TDRKH: variants seen among roughly 807,000 people sequenced by gnomAD.
TDRKH encodes the protein tudor and KH domain-containing protein.
In TDRKH, 28 loss-of-function variants were observed where a neutral mutation model predicts 61.3. That is an observed-to-expected ratio of 0.46 (90% CI 0.34 to 0.63). TDRKH has a LOEUF of 0.63. TDRKH is among the 20% of genes least tolerant of loss of function. TDRKH has a pLI of 0.01. For synonymous variants in TDRKH, 219 were observed against 244.4 expected (o/e 0.90, Z 0.97); for missense variants, 540 against 683.4 (o/e 0.79, Z 2.34).
rs1468480419 is a variant in TDRKH at position 151,779,262 on chromosome 1, A to T, written c.422-20T>A. ...CTCTCCCTACATTAAACAATATATA[A>T]AAACCTGCCCTTCCCTCCTGGCCAA... is the stretch of plus-strand genomic sequence containing the variant. On this transcript the variant is annotated intron_variant, in intron 4 of 12. Coordinates refer to ENST00000368824, the MANE Select transcript of TDRKH (RefSeq NM_001083965.2). 6.2e-7 allele frequency: 1 copy of T among 1,611,850 alleles called. No homozygotes were observed. The highest frequency in any genetic ancestry group is 1.7e-5 in the Admixed American group (1 of 59,462).
downstream of TDRKH, among the ~76,000 whole-genome samples, chr1:151,768,856 G>T (rs1401569648): frequency 6.6e-6 from 1 of 152,178 alleles, no homozygotes; most frequent in East Asian, 1.9e-4. Context: ...AGATTAGGGA[G>T]TGGTGATGAC....
downstream of TDRKH, chr1:151,768,054 C>A: frequency 6.2e-7 from 1 of 1,613,944 alleles, no homozygotes; most frequent in Non-Finnish European, 8.5e-7. Flanking sequence ...TACTCCTTTT[C>A]CAGGCTGGGA....
downstream of TDRKH, chr1:151,770,138 CCAAA>C (rs1648614118): frequency 3.7e-6 from 6 of 1,611,852 alleles, no homozygotes; most frequent in South Asian, 1.1e-5. Context: ...GAGGGAGCGG[CCAAA>C]CATTTTAACT....
intron 1 of TDRKH, among the ~76,000 whole-genome samples, chr1:151,787,487 G>A (rs921738754): frequency 2.0e-5 from 3 of 152,134 alleles, no homozygotes; most frequent in Admixed American, 6.5e-5. Flanking sequence ...AAAGTGCTGG[G>A]ATTACAGGCG....
At chr1:151,775,765 T>C (rs916279759) in intron 9 of TDRKH, 55 bp downstream of exon 9, 1 of 1,570,920 alleles carries the variant, frequency 6.4e-7, no homozygotes, top group Non-Finnish European at 8.7e-7. Context: ...TCCAATGAAC[T>C]GTATGAAGTT....
downstream of TDRKH, chr1:151,768,067 T>G: frequency 6.2e-7 from 1 of 1,614,000 alleles, no homozygotes; most frequent in Non-Finnish European, 8.5e-7. Flanking sequence ...GGCTGGGAAC[T>G]TGACGGTGCT....
At position 151,775,553 on chromosome 1, in the gene TDRKH, G is replaced by A; in HGVS notation, c.1283-10C>T. 6.2e-7 allele frequency: 1 copy of A among 1,611,436 alleles called. No homozygotes were observed. The highest frequency in any genetic ancestry group is 1.1e-5 in the South Asian group (1 of 90,568). On this transcript the variant is annotated splice_polypyrimidine_tract_variant and intron_variant, in intron 9 of 12. Transcript: ENST00000368824. ...TCTTCCCACTGGTCACCTGGCAAAA[G>A]ATTGTAGGGGTTACTGCTGATAGGG... is the stretch of plus-strand genomic sequence containing the variant.
At position 151,775,536 on chromosome 1, in the gene TDRKH, C is replaced by T. The variant is rs1180160694; in HGVS notation, c.1290G>A (p.Gln430=). The change falls in exon 10 of 13, where the codon CAG becomes CAA. Residue 430 remains glutamine, a synonymous_variant. Coordinates refer to ENST00000368824, the MANE Select transcript of TDRKH (RefSeq NM_001083965.2). ...SLARIAPSGD[Q]WEEEALDEFD... ...ACTCATCCAAAGCTTCCTCTTCCCA[C>T]TGGTCACCTGGCAAAAGATTGTAGG... is the stretch of plus-strand genomic sequence containing the variant. 3 of 1,612,450 alleles carry T rather than the reference C, an allele frequency of 1.9e-6. No homozygotes were observed. The Admixed American group carries it at 5.0e-5, about 27-fold the overall frequency.
chr1:151,774,869 C>A (rs750690903), intron 11 of TDRKH, 63 bp from the exon 12 acceptor site: 18 of 1,563,848 alleles, frequency 1.2e-5, no homozygotes, highest in Non-Finnish European at 1.6e-5. Flanking sequence ...AAGAGGCCAC[C>A]CTTTCATTCT....
downstream of TDRKH, chr1:151,766,913 A>G (rs753475535): frequency 1.3e-6 from 2 of 1,556,006 alleles, no homozygotes; most frequent in Non-Finnish European, 1.8e-6. Context: ...CTCTATTTGT[A>G]GTTGTTTATA....
intron 1 of TDRKH, among the ~76,000 whole-genome samples, chr1:151,788,769 T>C (rs1650594986): frequency 6.6e-6 from 1 of 152,228 alleles, no homozygotes; most frequent in African/African-American, 2.4e-5. Flanking sequence ...GCAGCACTTT[T>C]GTTTTCCAGT....
In TDRKH at chr1:151,774,205, T is replaced by A; in HGVS notation, c.*247A>T. 1.8e-6 allele frequency: 1 copy of A among 540,876 alleles called. No homozygotes were observed. 33.5% of individuals were successfully genotyped at this position (540,876 alleles called of 1,614,324 possible). On this transcript the variant is annotated 3_prime_UTR_variant, in exon 13 of 13. Transcript: ENST00000368824. ...CTTTATCATACACTCCTCTCCTCCA[T>A]GCACCAATTCCTATGCCAAATCCTG...
chr1:151,778,754 C>T lies in TDRKH; in HGVS notation c.814G>A (p.Glu272Lys). 1 of 1,614,224 alleles carries T rather than the reference C, an allele frequency of 6.2e-7. No individual in the cohort carries two copies. Among genetic ancestry groups the T allele is most frequent in the Middle Eastern group, 1.6e-4 (1 of 6,062 alleles). ...AVVVSKEGSWEKPSDDSFQKS... is the reference protein window; with the variant it reads ...AVVVSKEGSWKKPSDDSFQKS... Reference sequence around the variant, plus strand: ...TGAAAGCTGTCATCACTAGGTTTCTCCCAGGAACCTTCCTTTGACACTACC... The same window carrying T: ...TGAAAGCTGTCATCACTAGGTTTCTTCCAGGAACCTTCCTTTGACACTACC... The change falls in exon 6 of 13, where the codon GAG (glutamate) becomes AAG (lysine). Residue 272 changes from glutamate (E) to lysine (K), a missense_variant. Coordinates refer to ENST00000368824, the MANE Select transcript of TDRKH (RefSeq NM_001083965.2).
chr1:151,783,253 A>C (rs919467624), intron 1 of TDRKH: 10 of 303,308 alleles, frequency 3.3e-5, no homozygotes, highest in Non-Finnish European at 6.0e-5. Flanking sequence ...CATAGAATTA[A>C]ATAGAAGCAT....
rs1648947412 is a variant in TDRKH at position 151,774,379 on chromosome 1, C to T, written c.*73G>A. The T allele has an allele frequency of 1.3e-6, 2 of 1,545,596 alleles. No individual in the cohort carries two copies. Among genetic ancestry groups the T allele is most frequent in the African/African-American group, 2.7e-5 (2 of 72,776 alleles). ...GCCCCACTGTCGCCCTCATTACTTT[C>T]CTGTTGCTACAGATAGATGATAGCT... On this transcript the variant is annotated 3_prime_UTR_variant, in exon 13 of 13. Coordinates refer to ENST00000368824, the MANE Select transcript of TDRKH (RefSeq NM_001083965.2).
rs1482895992 is a variant in TDRKH, at chr1:151,782,714, G to A, written c.124+185C>T. 5.2e-6 allele frequency: 3 copies of A among 574,210 alleles called. No homozygotes were observed. In the East Asian group the frequency reaches 1.4e-4, roughly 26 times the overall value. The allele number at this position is 574,210 out of a possible 1,614,324, so 35.6% of individuals were successfully genotyped here. On this transcript the variant is annotated intron_variant, in intron 2 of 12. Transcript: ENST00000368824. Reference sequence around the variant, plus strand: ...GAGCCCAGGAGGTCGACACTACAGTGAGCCAAGATTGTGCCACTGTACGCC... The same window carrying A: ...GAGCCCAGGAGGTCGACACTACAGTAAGCCAAGATTGTGCCACTGTACGCC...
At position 151,780,047 on chromosome 1, in the gene TDRKH, A is replaced by C. The variant is rs1390022602; in HGVS notation, c.325T>G (p.Cys109Gly). Residue 109 changes from cysteine (C) to glycine (G), a missense_variant, in exon 4 of 13, where the codon TGC becomes GGC. Coordinates refer to ENST00000368824, the MANE Select transcript of TDRKH (RefSeq NM_001083965.2). ...TGATGGATTGCTGCTTTGGCCTTGC[A>C]CACCTGAACAGGAAAACCACTGATA... Reference protein sequence around the residue: ...LLISGFPVQVCKAKAAIHQIL... With the variant: ...LLISGFPVQVGKAKAAIHQIL... 9 of 1,614,236 alleles carry C rather than the reference A, an allele frequency of 5.6e-6. No individual in the cohort carries two copies. The highest frequency in any genetic ancestry group is 7.6e-6 in the Non-Finnish European group (9 of 1,180,046).
rs375813140 is a variant in TDRKH, at chr1:151,774,511, A to C, written c.1634-7T>G. 7.4e-6 allele frequency: 12 copies of C among 1,614,168 alleles called. No individual in the cohort carries two copies. Among genetic ancestry groups the C allele is most frequent in the Non-Finnish European group, 1.0e-5 (12 of 1,179,996 alleles). On this transcript the variant is annotated splice_region_variant and splice_polypyrimidine_tract_variant and intron_variant, in intron 12 of 12. Transcript: ENST00000368824. ...CCAGACATGGAAGCAGCTTCTATTG[A>C]AGATAAATAAGAAGGAGAAAGTTAG...
At chr1:151,786,531 T>C (rs1650330629) in intron 1 of TDRKH, among the ~76,000 whole-genome samples, 1 of 152,184 alleles carries the variant, frequency 6.6e-6, no homozygotes, top group Admixed American at 6.5e-5. Flanking sequence ...GGATTGACTA[T>C]GGGTAAGTGA....
Sources: allele counts gnomAD v4.1 joint callset (sites outside exome capture counted in the v4.1 genomes callset), GRCh38; gene constraint gnomAD v4.1.1; transcripts MANE v1.5; gene names NCBI Gene and HGNC (gene_info 2026-07-23, HGNC 2026-07-21).